The following UBASH3A variants were observed in gnomAD, a reference collection of about 807,000 sequenced individuals.
The protein encoded by UBASH3A is ubiquitin associated and SH3 domain containing A.
A neutral mutation model predicts 73.5 loss-of-function variants in UBASH3A; 63 were observed. That is an observed-to-expected ratio of 0.86 (90% CI 0.70 to 1.06). UBASH3A has a LOEUF of 1.06. UBASH3A is among the 50% of genes least tolerant of loss of function. The probability of loss-of-function intolerance (pLI) is 0.00; values close to 1 mark genes in which losing one functional copy is unlikely to be tolerated. For synonymous variants in UBASH3A, 363 were observed against 351.1 expected (o/e 1.03, Z -0.38); for missense variants, 860 against 859.0 (o/e 1.00, Z -0.02).
chr21:42,427,874 G>A (rs1387948808), intron 8 of UBASH3A, among the ~76,000 whole-genome samples: 3 of 152,154 alleles, frequency 2.0e-5, no homozygotes, highest in East Asian at 1.9e-4. Context: ...TAAGGTCAAC[G>A]CTCACCCTCT....
At chr21:42,436,166 C>G (rs1778440582) in intron 10 of UBASH3A, among the ~76,000 whole-genome samples, 1 of 150,282 alleles carries the variant, frequency 6.7e-6, no homozygotes, top group Non-Finnish European at 1.5e-5. Flanking sequence ...GCTATAGAGT[C>G]ATAGAGTTAT....
chr21:42,413,600 T>C lies in UBASH3A; in HGVS notation c.667+77T>C, dbSNP rs2053145501. The C allele has an allele frequency of 8.8e-7, 1 of 1,134,362 alleles. No individual in the cohort carries two copies. The highest frequency in any genetic ancestry group is 1.3e-6 in the Non-Finnish European group (1 of 781,478). The allele number at this position is 1,134,362 out of a possible 1,614,324, so 70.3% of individuals were successfully genotyped here. A position where few individuals can be genotyped will look rare whatever the true frequency, so the allele number is the denominator to read the frequency against. ...AATAGCCTTGTTCTCATTATGTGGT[T>C]TTTAAAATGCTTAGCTATATGCCAA... On this transcript the variant is annotated intron_variant, in intron 5 of 14. Transcript: ENST00000319294. This position sits in a 1 kb window ranked among gnomAD's most constrained non-coding sequence, Gnocchi z 4.5.
Position 42,418,481 on chromosome 21 carries a change from C to T in UBASH3A, c.918C>T (p.Asp306=). 1 of 1,614,246 alleles carries T rather than the reference C, an allele frequency of 6.2e-7. No individual in the cohort carries two copies. ...TLSPGDYIFV[D]PTQQDEASEG... is the part of the protein sequence containing the mutation. ...GTCCTGGTGACTACATCTTTGTGGA[C>T]CCCACGCAGCAGGACGAAGCCAGCG... The change falls in exon 7 of 15, where the codon GAC becomes GAT. Residue 306 remains aspartate (D), a synonymous_variant. Transcript: ENST00000319294.
At chr21:42,429,043 A>G (rs779515891) in intron 8 of UBASH3A, among the ~76,000 whole-genome samples, 5 of 152,208 alleles carry the variant, frequency 3.3e-5, no homozygotes, top group Non-Finnish European at 5.9e-5. Flanking sequence ...AAACCCCATC[A>G]CAAGTGTGCT....
At position 42,443,396 on chromosome 21, in the gene UBASH3A, C is replaced by T. The variant is rs754521940; in HGVS notation, c.1716C>T (p.Ile572=). Residue 572 remains isoleucine, a synonymous_variant, in exon 13 of 15, where the codon ATC becomes ATT. Transcript: ENST00000319294. ...MDRCTASMVQ[I]VNTCPQDTGV... ...GGTGCACGGCGAGCATGGTGCAAAT[C>T]GTCAACACCTGTCCACAGGACAGTA... The T allele has an allele frequency of 6.2e-6, 10 of 1,612,168 alleles. No homozygotes were observed. The highest frequency in any genetic ancestry group is 5.3e-5 in the African/African-American group (4 of 74,826).
At chr21:42,436,328 G>A (rs2053627640) in intron 10 of UBASH3A, among the ~76,000 whole-genome samples, 1 of 152,298 alleles carries the variant, frequency 6.6e-6, no homozygotes, top group East Asian at 1.9e-4. Flanking sequence ...TGAGTGCAGT[G>A]GTGAGAATAC....
At chr21:42,407,618 A>G (rs1470045998) in intron 2 of UBASH3A, among the ~76,000 whole-genome samples, 1 of 152,236 alleles carries the variant, frequency 6.6e-6, no homozygotes, top group Admixed American at 6.5e-5. Flanking sequence ...ATTAGAGCAA[A>G]CAAGGTAACT....
At chr21:42,411,269 A>C (rs1368584477) in intron 3 of UBASH3A, among the ~76,000 whole-genome samples, 1 of 151,934 alleles carries the variant, frequency 6.6e-6, no homozygotes, top group Non-Finnish European at 1.5e-5. Flanking sequence ...TACACACTAC[A>C]TGTACATAGG....
intron 11 of UBASH3A, among the ~76,000 whole-genome samples, chr21:42,439,692 TAC>T (rs2053695102): frequency 1.3e-5 from 1 of 77,128 alleles, no homozygotes; most frequent in Non-Finnish European, 2.6e-5. Flanking sequence ...ACACACACAC[TAC>T]ACACACCCAC....
chr21:42,406,057 C>T (rs867454695), intron 1 of UBASH3A, among the ~76,000 whole-genome samples: 4 of 150,970 alleles, frequency 2.6e-5, no homozygotes, highest in African/African-American at 4.9e-5. Flanking sequence ...CCTGAGACCC[C>T]GTGCCAAGGG....
intron 3 of UBASH3A, among the ~76,000 whole-genome samples, chr21:42,412,066 C>A (rs1440556090): frequency 1.3e-5 from 2 of 152,236 alleles, no homozygotes; most frequent in East Asian, 3.9e-4. Flanking sequence ...ATCAGGCCAA[C>A]TCCCGCCAGG....
intron 11 of UBASH3A, among the ~76,000 whole-genome samples, chr21:42,440,204 T>G (rs1394185057): frequency 6.6e-6 from 1 of 152,224 alleles, no homozygotes; most frequent in African/African-American, 2.4e-5. Context: ...CTTCGTGTTT[T>G]CAGGAAGGCC....
At chr21:42,429,206 C>T (rs1006645606) in intron 8 of UBASH3A, among the ~76,000 whole-genome samples, 10 of 152,228 alleles carry the variant, frequency 6.6e-5, no homozygotes. Context: ...CCTAGAATGT[C>T]AGAGGGAGCA....
intron 12 of UBASH3A, among the ~76,000 whole-genome samples, chr21:42,442,983 A>G (rs2053774319): frequency 6.6e-6 from 1 of 152,224 alleles, no homozygotes; most frequent in African/African-American, 2.4e-5. Context: ...CAGACACAGA[A>G]GCCCAAGGGT....
rs1316017847 is a variant in UBASH3A, at chr21:42,404,063, G to C, written c.113+5G>C. On this transcript the variant is annotated splice_donor_5th_base_variant and intron_variant, in intron 1 of 14. Transcript: ENST00000319294. ...GGGCTTCCCGGTGCACACCGCGTGA[G>C]TACTGCCCAGAGACCCCGGGGCCCA... 4.1e-6 allele frequency: 6 copies of C among 1,474,626 alleles called. No individual in the cohort carries two copies. Among genetic ancestry groups the C allele is most frequent in the Non-Finnish European group, 5.4e-6 (6 of 1,101,270 alleles). 91.3% of individuals were successfully genotyped at this position (1,474,626 alleles called of 1,614,324 possible).
At chr21:42,412,077 AG>A (rs772556959) in intron 3 of UBASH3A, among the ~76,000 whole-genome samples, 3 of 152,112 alleles carry the variant, frequency 2.0e-5, no homozygotes, top group Non-Finnish European at 4.4e-5. Context: ...TCCCGCCAGG[AG>A]GGTGTGGTGT....
intron 7 of UBASH3A, 33 bp downstream of exon 7, chr21:42,418,642 C>G (rs1440439645): frequency 8.8e-6 from 14 of 1,589,546 alleles, no homozygotes; most frequent in Non-Finnish European, 1.2e-5. Context: ...GCCCCGTCAT[C>G]TCTCTCTGAG....
Position 42,447,166 on chromosome 21 carries a change from A to G in UBASH3A, c.1958A>G (p.Asn653Ser). 1 of 1,614,140 alleles carries G rather than the reference A, an allele frequency of 6.2e-7. No individual in the cohort carries two copies. Among genetic ancestry groups the G allele is most frequent in the Non-Finnish European group, 8.5e-7 (1 of 1,180,020 alleles). Residue 653 changes from asparagine (N) to serine (S), a missense_variant, in exon 15 of 15, where the codon AAC becomes AGC. Coordinates refer to ENST00000319294, the MANE Select transcript of UBASH3A (RefSeq NM_018961.4). ...ACCCACGGGGCGAACGCAGCATTTA[A>G]CTGGAGGAACTGGATCTCAGGCAAC... ...TLTHGANAAF[N>S]WRNWISGN is the part of the protein sequence containing the mutation.
chr21:42,406,861 C>T (rs138308054), intron 2 of UBASH3A, among the ~76,000 whole-genome samples: 184 of 152,242 alleles, frequency 1.2e-3, no homozygotes, highest in African/African-American at 4.2e-3. Context: ...CTGCCTACTA[C>T]GATGGATAAG....
Sources: gnomAD v4.1 joint callset for allele counts (sites outside exome capture counted in the v4.1 genomes callset) on GRCh38, gnomAD v4.1.1 for gene constraint, Gnocchi (gnomAD v3.1) non-coding constraint, MANE v1.5 for transcripts, NCBI Gene and HGNC (gene_info 2026-07-23, HGNC 2026-07-21) for gene names.